Variants in WDR43 observed in about 807,000 individuals in gnomAD.
The protein encoded by WDR43 is WD repeat domain 43.
WDR43 carries 13 observed loss-of-function variants against 91.4 expected under a neutral mutation model. The observed-to-expected ratio is 0.14, with a 90% CI of 0.09 to 0.23. The LOEUF (loss-of-function observed/expected upper bound fraction) is 0.23. WDR43 is among the 10% of genes least tolerant of loss of function. WDR43 has a pLI of 1.00. For synonymous variants in WDR43, 331 were observed against 287.9 expected, an observed-to-expected ratio of 1.15 and a Z score of -1.51; for missense variants, 780 against 809.4, an observed-to-expected ratio of 0.96 and a Z score of 0.44.
intron 2 of WDR43, among the ~76,000 whole-genome samples, chr2:28,902,593 A>T (rs987242283): frequency 6.6e-6 from 1 of 152,164 alleles, no homozygotes; most frequent in Admixed American, 6.5e-5. Context: ...TCTCTGATGG[A>T]GATGATGAGA....
chr2:28,926,877 A>T lies in WDR43; in HGVS notation c.1173+323A>T, dbSNP rs1157061288. Among the ~76,000 whole-genome samples, 5 of 152,218 alleles carry T rather than the reference A, an allele frequency of 3.3e-5. No homozygotes were observed. In the East Asian group the frequency reaches 9.6e-4, roughly 29 times the overall value. The stretch of plus-strand genomic sequence containing the variant: ...TCAGTAGATAGTTTTTATCAATCTC[A>T]GTACTTAAAAGAGCATTACTTTGCT... On this transcript the variant is annotated intron_variant, in intron 9 of 17. Transcript: ENST00000407426.
intron 10 of WDR43, 165 bp downstream of exon 10, chr2:28,927,865 G>GA: frequency 1.9e-6 from 2 of 1,038,164 alleles, no homozygotes; most frequent in African/African-American, 3.3e-5. Flanking sequence ...CATAATTCTA[G>GA]ATTGTCATCT....
intron 14 of WDR43, among the ~76,000 whole-genome samples, chr2:28,940,793 CAG>C (rs1212244484): frequency 6.6e-6 from 1 of 152,176 alleles, no homozygotes; most frequent in Non-Finnish European, 1.5e-5. Context: ...TTTTATTCCT[CAG>C]TGAACCTGGA....
chr2:28,947,694 A>G lies in WDR43; in HGVS notation c.*915A>G, dbSNP rs146753885. 2.0e-5 allele frequency: 3 copies of G among 151,954 alleles called. No individual in the cohort carries two copies. Among genetic ancestry groups the G allele is most frequent in the African/African-American group, 7.2e-5 (3 of 41,534 alleles). 9.4% of individuals were successfully genotyped at this position (151,954 alleles called of 1,614,324 possible). On this transcript the variant is annotated 3_prime_UTR_variant, in exon 18 of 18. Coordinates refer to ENST00000407426, the MANE Select transcript of WDR43 (RefSeq NM_015131.3). ...CTTGTTGGAATTTTTTTTCCAAAGA[A>G]AATATTTTTATAATTAAATAATTTA...
chr2:28,898,522 C>A (rs959377708), intron 1 of WDR43, among the ~76,000 whole-genome samples: 2 of 152,118 alleles, frequency 1.3e-5, no homozygotes, highest in African/African-American at 4.8e-5. Flanking sequence ...TCACTGTTAT[C>A]TGTGAAACAC....
At chr2:28,935,971 T>C (rs568305143) in intron 12 of WDR43, among the ~76,000 whole-genome samples, 19 of 152,264 alleles carry the variant, frequency 1.2e-4, no homozygotes, top group African/African-American at 4.1e-4. Context: ...TTTTGGTTTT[T>C]CCCAGTATGT....
chr2:28,894,945 G>A (rs1317017120), intron 1 of WDR43, 22 bp downstream of exon 1: 2 of 1,514,642 alleles, frequency 1.3e-6, no homozygotes, highest in East Asian at 2.6e-5. Flanking sequence ...GGGACTGCGC[G>A]GGGCGGGCGC....
intron 4 of WDR43, 90 bp from the exon 5 acceptor site, chr2:28,913,979 A>G: frequency 6.9e-7 from 1 of 1,457,688 alleles, no homozygotes; most frequent in South Asian, 1.3e-5. Flanking sequence ...TCCGATATGT[A>G]TCACATATGG....
At chr2:28,932,662 G>A (rs1011365745) in intron 11 of WDR43, among the ~76,000 whole-genome samples, 2 of 152,128 alleles carry the variant, frequency 1.3e-5, no homozygotes, top group East Asian at 1.9e-4. Flanking sequence ...AACAAAAGAA[G>A]AATGTGAGCA....
intron 7 of WDR43, among the ~76,000 whole-genome samples, chr2:28,924,556 G>C (rs905363359): frequency 1.1e-4 from 16 of 152,240 alleles, no homozygotes; most frequent in African/African-American, 3.6e-4. Context: ...AGAGCCCCTA[G>C]AGAAGCCATT....
At chr2:28,916,726 A>G (rs1572589485) in intron 5 of WDR43, among the ~76,000 whole-genome samples, 1 of 152,162 alleles carries the variant, frequency 6.6e-6, no homozygotes, top group Non-Finnish European at 1.5e-5. Context: ...GATTTAGTCA[A>G]TAACATTACT....
At chr2:28,903,861 G>T (rs1043538936) in intron 2 of WDR43, among the ~76,000 whole-genome samples, 1 of 152,124 alleles carries the variant, frequency 6.6e-6, no homozygotes, top group Non-Finnish European at 1.5e-5. Context: ...CTAGAGTGCA[G>T]TAGTGCGGTC....
chr2:28,936,736 C>T (rs1191167228), intron 12 of WDR43, among the ~76,000 whole-genome samples, 186 bp from the exon 13 acceptor site: 1 of 152,072 alleles, frequency 6.6e-6, no homozygotes, highest in Non-Finnish European at 1.5e-5. Context: ...TCATATAAGT[C>T]CTATCCTAGA....
intron 3 of WDR43, 139 bp downstream of exon 3, chr2:28,906,720 C>T: frequency 9.2e-7 from 1 of 1,085,278 alleles, no homozygotes. Flanking sequence ...GATTTTAATA[C>T]ATAAAATACT....
intron 8 of WDR43, 133 bp from the exon 9 acceptor site, chr2:28,926,335 C>T: frequency 1.5e-6 from 1 of 668,616 alleles, no homozygotes; most frequent in Non-Finnish European, 2.4e-6. Context: ...GTCTTCCATA[C>T]TTTTTAATAT....
chr2:28,912,442 C>T, intron 3 of WDR43, 148 bp from the exon 4 acceptor site: 1 of 934,682 alleles, frequency 1.1e-6, no homozygotes, highest in Non-Finnish European at 1.6e-6. Context: ...GGGTTAGTTA[C>T]CTGACACAAG....
intron 7 of WDR43, 139 bp from the exon 8 acceptor site, chr2:28,924,843 C>T: frequency 1.1e-6 from 1 of 909,716 alleles, no homozygotes; most frequent in East Asian, 2.5e-5. Context: ...AGTACTCATG[C>T]TCCGGAGACC....
At chr2:28,910,255 G>T (rs11127193) in intron 3 of WDR43, among the ~76,000 whole-genome samples, 40,342 of 152,062 alleles carry the variant, frequency 0.27, 6,530 homozygotes, top group East Asian at 0.77. Flanking sequence ...GGAAGTAGAT[G>T]AAGGAAGCTT....
At chr2:28,920,194 T>C (rs1157360030) in intron 6 of WDR43, among the ~76,000 whole-genome samples, 2 of 149,684 alleles carry the variant, frequency 1.3e-5, no homozygotes, top group Non-Finnish European at 3.0e-5. Context: ...AGTGACTTTC[T>C]GAAAAAATAA....
Sources: allele counts gnomAD v4.1 joint callset (sites outside exome capture counted in the v4.1 genomes callset), GRCh38; gene constraint gnomAD v4.1.1; transcripts MANE v1.5; gene names NCBI Gene and HGNC (gene_info 2026-07-23, HGNC 2026-07-21).